NADK: variants seen among roughly 807,000 people sequenced by gnomAD.
The protein encoded by NADK is NAD kinase.
Under a neutral mutation model 49.8 loss-of-function variants are expected in NADK, and 22 were observed. The observed-to-expected ratio is 0.44, with a 90% CI of 0.32 to 0.63. The LOEUF is 0.63. Among genes scored for constraint, NADK ranks in the 30% least tolerant of loss-of-function variants. The pLI, the probability that NADK is intolerant of heterozygous loss-of-function variation, is 0.06. For synonymous variants in NADK, 268 were observed against 253.7 expected, an observed-to-expected ratio of 1.06 and a Z score of -0.54; for missense variants, 438 against 609.4, an observed-to-expected ratio of 0.72 and a Z score of 2.96.
Position 1,754,161 on chromosome 1 carries a change from C to T in NADK, c.991G>A (p.Ala331Thr). 1 of 1,612,264 alleles carries T rather than the reference C, an allele frequency of 6.2e-7. No individual in the cohort carries two copies. Among genetic ancestry groups the T allele is most frequent in the Non-Finnish European group, 8.5e-7 (1 of 1,179,628 alleles). ...PTGSTAYAAA[A>T]GASMIHPNVP... ...TTGGGGTGGATCATGGAGGCCCCGG[C>T]CGCGGCCGCATACGCCGTGCTGCCC... Residue 331 changes from alanine (A) to threonine (T), a missense_variant, in exon 10 of 12, where the codon GCC (alanine) becomes ACC (threonine). Coordinates refer to ENST00000341426, the MANE Select transcript of NADK (RefSeq NM_023018.5). This position sits in a 1 kb window ranked among gnomAD's most constrained non-coding sequence, Gnocchi z 4.3.
chr1:1,760,743 G>C (rs1351034021), intron 3 of NADK, among the ~76,000 whole-genome samples: 7 of 150,224 alleles, frequency 4.7e-5, no homozygotes, highest in Admixed American at 4.6e-4. Flanking sequence ...TGAGAGCTGA[G>C]GCACCAGTCC....
intron 3 of NADK, chr1:1,758,223 G>T: frequency 1.1e-6 from 1 of 928,362 alleles, no homozygotes. Context: ...TGCCTGCCAT[G>T]CCTCTTCCCA....
At chr1:1,765,078 A>G in intron 2 of NADK, 150 bp downstream of exon 2, 2 of 761,224 alleles carry the variant, frequency 2.6e-6, no homozygotes, top group Middle Eastern at 4.1e-4. Context: ...TCCCCCTTCA[A>G]GGGCACAGCT....
In NADK at chr1:1,765,455, A is replaced by G. The variant is rs1001119322; in HGVS notation, c.-40-9T>C. ...CAGAAAAACACTGATGCCTTAATTTAATAAAATAAATAATGTAAATAAAGT... is the reference window on the plus strand; with the variant it reads ...CAGAAAAACACTGATGCCTTAATTTGATAAAATAAATAATGTAAATAAAGT... On this transcript the variant is annotated splice_polypyrimidine_tract_variant and intron_variant, in intron 1 of 11. Transcript: ENST00000341426. The G allele has an allele frequency of 5.0e-6, 6 of 1,197,044 alleles. No homozygotes were observed. The African/African-American group carries it at 7.8e-5, about 16-fold the overall frequency. The allele number at this position is 1,197,044 out of a possible 1,614,324, so 74.2% of individuals were successfully genotyped here.
Position 1,754,391 on chromosome 1 carries a change from G to A in NADK, c.844-8C>T, listed in dbSNP as rs772328495. The A allele has an allele frequency of 1.9e-6, 3 of 1,613,510 alleles. No homozygotes were observed. Among genetic ancestry groups the A allele is most frequent in the Admixed American group, 1.7e-5 (1 of 60,016 alleles). On this transcript the variant is annotated splice_region_variant and splice_polypyrimidine_tract_variant and intron_variant, in intron 8 of 11. Coordinates refer to ENST00000341426, the MANE Select transcript of NADK (RefSeq NM_023018.5). The surrounding 1 kb of genome is among the most constrained non-coding windows in gnomAD (Gnocchi z 4.3). ...CACCACCTCATTCAGGACCTGGAGG[G>A]GCGACAGCATTGCACACTCAGGGCG...
At chr1:1,759,811 G>T in intron 3 of NADK, 1 of 1,554,080 alleles carries the variant, frequency 6.4e-7, no homozygotes, top group Admixed American at 1.9e-5. Flanking sequence ...GGCTGAGGCA[G>T]AACATGCACC....
intron 3 of NADK, chr1:1,758,733 G>GA: frequency 1.2e-6 from 1 of 866,470 alleles, no homozygotes; most frequent in Non-Finnish European, 1.4e-6. Flanking sequence ...AATCCCTTCT[G>GA]AAAAAAAGTC....
intron 4 of NADK, 33 bp downstream of exon 4, chr1:1,757,148 A>AACCCC: frequency 1.3e-5 from 11 of 859,186 alleles, no homozygotes; most frequent in Admixed American, 4.7e-5. Flanking sequence ...CTCCATGTGC[A>AACCCC]CCCCAGGCCC....
Position 1,754,268 on chromosome 1 carries a change from GT to G in NADK, c.943+15del, listed in dbSNP as rs1645435343. The G allele has an allele frequency of 1.2e-6, 2 of 1,613,436 alleles. No homozygotes were observed. Among genetic ancestry groups the G allele is most frequent in the African/African-American group, 1.3e-5 (1 of 74,934 alleles). On this transcript the variant is annotated intron_variant, in intron 9 of 11. Coordinates refer to ENST00000341426, the MANE Select transcript of NADK (RefSeq NM_023018.5). The surrounding 1 kb of genome is among the most constrained non-coding windows in gnomAD (Gnocchi z 4.3). ...GAGGGACGCTCAGGGCCCCAGGACA[GT>G]GCTGCGGGCCTTACCGTCGCCCTGC...
intron 4 of NADK, chr1:1,756,828 G>T: frequency 1.1e-6 from 1 of 885,350 alleles, no homozygotes; most frequent in Non-Finnish European, 1.9e-6. Flanking sequence ...AATTGACTAA[G>T]GCTGTTATTT....
At chr1:1,770,124 G>A (rs767977324) in intron 1 of NADK, among the ~76,000 whole-genome samples, 88 of 151,794 alleles carry the variant, frequency 5.8e-4, no homozygotes, top group Middle Eastern at 6.8e-3. Context: ...GCAGTGAGCC[G>A]AGATCGCACC....
At chr1:1,755,050 A>C (rs1305023750) in intron 7 of NADK, among the ~76,000 whole-genome samples, 1 of 151,768 alleles carries the variant, frequency 6.6e-6, no homozygotes, top group African/African-American at 2.4e-5. Flanking sequence ...TCATCTCTTG[A>C]CCTCGTGATC....
chr1:1,761,134 A>G (rs1645710406), intron 3 of NADK, among the ~76,000 whole-genome samples: 1 of 152,214 alleles, frequency 6.6e-6, no homozygotes, highest in Non-Finnish European at 1.5e-5. Context: ...CTGGGATTAT[A>G]GGCACGCGCC....
chr1:1,757,189 G>A lies in NADK; in HGVS notation c.385C>T (p.Leu129Phe). The A allele has an allele frequency of 1.3e-6, 2 of 1,580,762 alleles. No individual in the cohort carries two copies. Among genetic ancestry groups the A allele is most frequent in the African/African-American group, 1.4e-5 (1 of 72,990 alleles). ...CCCCCTGCCCCGCGTGCCTCCATGA[G>A]GTGCGTGCAGAGCTCCTTGAACGGC... ...LQPFKELCTH[L>F]MEENMIVYVE... Residue 129 changes from leucine (L) to phenylalanine (F), a missense_variant, in exon 4 of 12, where the codon CTC becomes TTC. Coordinates refer to ENST00000341426, the MANE Select transcript of NADK (RefSeq NM_023018.5).
chr1:1,752,681 A>G lies in NADK; in HGVS notation c.*223T>C. ...CGCGGGGTGTCAGCAGGACAGAAGC[A>G]CTCCCAGCCCATTTCTCACGCTTCT... On this transcript the variant is annotated 3_prime_UTR_variant, in exon 12 of 12. Coordinates refer to ENST00000341426, the MANE Select transcript of NADK (RefSeq NM_023018.5). 1 of 532,870 alleles carries G rather than the reference A, an allele frequency of 1.9e-6. No individual in the cohort carries two copies. Among genetic ancestry groups the G allele is most frequent in the Non-Finnish European group, 3.2e-6 (1 of 309,496 alleles). 33.0% of individuals were successfully genotyped at this position (532,870 alleles called of 1,614,324 possible).
rs534684655 is a variant in NADK, at chr1:1,755,682, C to G, written c.586-206G>C. 3.3e-5 allele frequency among the ~76,000 whole-genome samples: 5 copies of G among 152,216 alleles called. No homozygotes were observed. The East Asian group carries it at 9.7e-4, about 29-fold the overall frequency. Reference sequence around the variant, plus strand: ...CCAGGGCCAAGGTTGGTGTGGGGAGCTGGTGAGGAACAAAGGTGGCAGGGC... The same window carrying G: ...CCAGGGCCAAGGTTGGTGTGGGGAGGTGGTGAGGAACAAAGGTGGCAGGGC... On this transcript the variant is annotated intron_variant, in intron 6 of 11. Transcript: ENST00000341426.
chr1:1,757,824 T>G (rs1645578976), intron 3 of NADK, among the ~76,000 whole-genome samples: 2 of 152,044 alleles, frequency 1.3e-5, no homozygotes, highest in African/African-American at 4.8e-5. Flanking sequence ...CTTCCCCCCC[T>G]GCACACAGCT....
intron 1 of NADK, among the ~76,000 whole-genome samples, chr1:1,770,547 A>AT (rs1646016258): frequency 1.3e-5 from 2 of 152,212 alleles, no homozygotes; most frequent in Admixed American, 1.3e-4. Flanking sequence ...CCTGGCTAAC[A>AT]TGGTGAAACT....
intron 1 of NADK, among the ~76,000 whole-genome samples, chr1:1,766,488 T>C (rs889715947): frequency 7.8e-5 from 9 of 114,840 alleles, no homozygotes; most frequent in Admixed American, 9.9e-5. Flanking sequence ...AACACATTAA[T>C]GAGAGAGAAA....
Sources: gnomAD v4.1 joint callset for allele counts (sites outside exome capture counted in the v4.1 genomes callset) on GRCh38, gnomAD v4.1.1 for gene constraint, Gnocchi (gnomAD v3.1) non-coding constraint, MANE v1.5 for transcripts, NCBI Gene and HGNC (gene_info 2026-07-23, HGNC 2026-07-21) for gene names.